Variants in AFG2A observed in about 807,000 individuals in gnomAD.
AFG2A encodes the protein ATPase family gene 2 protein homolog A.
chr4:122,988,706 T>G, the AFG2A span, among the ~76,000 whole-genome samples: 3 of 152,190 alleles, frequency 2.0e-5, no homozygotes, highest in African/African-American at 7.2e-5. Flanking sequence ...ATTATTTCTT[T>G]AAGTAAATTT....
At chr4:123,166,529 A>G in the AFG2A span, among the ~76,000 whole-genome samples, 1 of 152,188 alleles carries the variant, frequency 6.6e-6, no homozygotes, top group African/African-American at 2.4e-5. Context: ...ATTTGAAGCT[A>G]CAAGAGAATT....
chr4:123,032,883 A>G, the AFG2A span, among the ~76,000 whole-genome samples: 1 of 152,246 alleles, frequency 6.6e-6, no homozygotes, highest in Admixed American at 6.5e-5. Context: ...ACTGTAGGCC[A>G]GTGTAAGCAT....
the AFG2A span, among the ~76,000 whole-genome samples, chr4:123,055,627 C>T: frequency 1.3e-5 from 2 of 152,094 alleles, no homozygotes; most frequent in Admixed American, 6.6e-5. Flanking sequence ...TGGCTGGACC[C>T]GTGATCTGCA....
the AFG2A span, among the ~76,000 whole-genome samples, chr4:123,213,265 A>G: frequency 1.3e-3 from 191 of 152,280 alleles, 1 homozygote; most frequent in Non-Finnish European, 5.4e-4. Context: ...TTTAATGGGT[A>G]TATATCCTGT....
At chr4:123,017,606 CT>C in the AFG2A span, among the ~76,000 whole-genome samples, 2 of 151,398 alleles carry the variant, frequency 1.3e-5, no homozygotes, top group Admixed American at 6.6e-5. Flanking sequence ...TTTTCTCAAC[CT>C]TTTTTTTCCT....
the AFG2A span, among the ~76,000 whole-genome samples, chr4:122,932,528 C>T: frequency 6.6e-6 from 1 of 152,072 alleles, no homozygotes; most frequent in Non-Finnish European, 1.5e-5. Flanking sequence ...CTAAACTGTC[C>T]CCCCTCCACT....
At chr4:123,227,895 T>C in the AFG2A span, among the ~76,000 whole-genome samples, 2 of 152,232 alleles carry the variant, frequency 1.3e-5, no homozygotes, top group South Asian at 2.1e-4. Context: ...CTGGGTGCTC[T>C]TGTATTGTGT....
At chr4:123,024,430 T>A in the AFG2A span, among the ~76,000 whole-genome samples, 1 of 152,178 alleles carries the variant, frequency 6.6e-6, no homozygotes. Flanking sequence ...CAAAAGGCTC[T>A]GCTAGAAACA....
chr4:123,055,307 G>C, the AFG2A span, among the ~76,000 whole-genome samples: 1 of 152,134 alleles, frequency 6.6e-6, no homozygotes, highest in African/African-American at 2.4e-5. Flanking sequence ...TTTTGAGGAT[G>C]TGAAATAAAT....
chr4:123,093,483 G>A, the AFG2A span, among the ~76,000 whole-genome samples: 1 of 152,212 alleles, frequency 6.6e-6, no homozygotes, highest in African/African-American at 2.4e-5. Flanking sequence ...AGCGCAGCTA[G>A]AGATCGCTTT....
the AFG2A span, among the ~76,000 whole-genome samples, chr4:123,061,537 G>T: frequency 3.9e-5 from 6 of 152,270 alleles, 1 homozygote; most frequent in Non-Finnish European, 1.5e-5. Flanking sequence ...ATCTTGTGAT[G>T]CTTATTCACT....
chr4:123,134,196 A>G, the AFG2A span, among the ~76,000 whole-genome samples: 1 of 152,052 alleles, frequency 6.6e-6, no homozygotes, highest in South Asian at 2.1e-4. Context: ...CTGTCTGTGG[A>G]GCTTTTTCTC....
the AFG2A span, among the ~76,000 whole-genome samples, chr4:123,150,998 G>A: frequency 6.6e-6 from 1 of 152,146 alleles, no homozygotes; most frequent in East Asian, 1.9e-4. Context: ...TGACAAACCT[G>A]ACAAAAACAA....
At chr4:122,972,590 G>T in the AFG2A span, among the ~76,000 whole-genome samples, 3 of 148,788 alleles carry the variant, frequency 2.0e-5, no homozygotes, top group East Asian at 2.0e-4. Context: ...CTTCAGTACT[G>T]CAGTAGCAGC....
the AFG2A span, among the ~76,000 whole-genome samples, chr4:123,218,259 A>G: frequency 6.6e-6 from 1 of 152,220 alleles, no homozygotes; most frequent in Admixed American, 6.5e-5. Flanking sequence ...TGTGCAGGCA[A>G]AATAAAAGTA....
chr4:123,207,201 G>A, the AFG2A span, among the ~76,000 whole-genome samples: 1 of 151,832 alleles, frequency 6.6e-6, no homozygotes, highest in African/African-American at 2.4e-5. Flanking sequence ...AAAGTGATAG[G>A]GTATCCCCTC....
chr4:122,971,233 A>G, the AFG2A span, among the ~76,000 whole-genome samples: 1 of 152,236 alleles, frequency 6.6e-6, no homozygotes, highest in Non-Finnish European at 1.5e-5. Flanking sequence ...ATAGTGGGAC[A>G]CCATCTCTAC....
the AFG2A span, among the ~76,000 whole-genome samples, chr4:123,137,545 C>T: frequency 3.3e-5 from 5 of 152,120 alleles, no homozygotes; most frequent in Non-Finnish European, 7.4e-5. Context: ...CTGGTGATCA[C>T]GTGGTCTCAT....
At chr4:123,119,798 G>T in the AFG2A span, among the ~76,000 whole-genome samples, 1 of 152,104 alleles carries the variant, frequency 6.6e-6, no homozygotes, top group Non-Finnish European at 1.5e-5. Flanking sequence ...CATACCTGAG[G>T]CTGGGTAATT....
Sources: allele counts gnomAD v4.1 joint callset (sites outside exome capture counted in the v4.1 genomes callset), GRCh38; gene constraint gnomAD v4.1.1; transcripts MANE v1.5; gene names NCBI Gene and HGNC (gene_info 2026-07-23, HGNC 2026-07-21).